Variants in XRCC4 observed in about 807,000 individuals in gnomAD.
XRCC4 encodes X-ray repair cross complementing 4.
In XRCC4, 28 loss-of-function variants were observed where a neutral mutation model predicts 39.1. That is an observed-to-expected ratio of 0.72 (90% CI 0.53 to 0.98). The LOEUF (loss-of-function observed/expected upper bound fraction) is 0.98. Ranked by LOEUF, XRCC4 falls within the 50% of genes least tolerant of loss-of-function variation. The pLI is 0.00. For missense variants in XRCC4, 350 were observed against 376.4 expected (o/e 0.93, Z 0.58); for synonymous variants, 123 against 126.4 (o/e 0.97, Z 0.18).
rs142213494 is a variant in XRCC4 at position 83,126,763 on chromosome 5, C to G, written c.315+15560C>G. The stretch of plus-strand genomic sequence containing the variant: ...AAATGTGTGAGAGCTGTAATGTGGG[C>G]TGTGCCAGCAAAGCCATGGGGGCAG... On this transcript the variant is annotated intron_variant, in intron 3 of 7. Coordinates refer to ENST00000396027, the MANE Select transcript of XRCC4 (RefSeq NM_003401.5). 6.9e-3 allele frequency among the ~76,000 whole-genome samples: 1,054 copies of G among 152,294 alleles called. 40 individuals are homozygous for G. The highest frequency in any genetic ancestry group is 0.047 in the Admixed American group (725 of 15,294).
chr5:83,126,797 A>C (rs1747288479), intron 3 of XRCC4, among the ~76,000 whole-genome samples: 1 of 152,206 alleles, frequency 6.6e-6, no homozygotes, highest in South Asian at 2.1e-4. Context: ...AGGAATGTCC[A>C]AATCTTAGAG....
intron 7 of XRCC4, among the ~76,000 whole-genome samples, chr5:83,288,863 A>G (rs1308807972): frequency 2.0e-5 from 3 of 151,748 alleles, no homozygotes; most frequent in Non-Finnish European, 4.4e-5. Flanking sequence ...ATTACTTCAA[A>G]TATTTTTTCT....
the XRCC4 span, among the ~76,000 whole-genome samples, chr5:83,369,665 G>A: frequency 6.6e-6 from 1 of 152,202 alleles, no homozygotes; most frequent in Non-Finnish European, 1.5e-5. Context: ...GGGCACCTGG[G>A]TTGATGCCAT....
At chr5:83,139,032 A>G (rs1166914155) in intron 3 of XRCC4, among the ~76,000 whole-genome samples, 1 of 152,164 alleles carries the variant, frequency 6.6e-6, no homozygotes, top group Non-Finnish European at 1.5e-5. Context: ...AATTATTAAA[A>G]CTAAGAAATT....
intron 3 of XRCC4, among the ~76,000 whole-genome samples, chr5:83,176,995 G>A (rs1227881864): frequency 6.6e-6 from 1 of 151,982 alleles, no homozygotes; most frequent in African/African-American, 2.4e-5. Flanking sequence ...TAAAATATTT[G>A]TTTCTTAATA....
At chr5:83,179,368 A>G (rs1358977227) in intron 3 of XRCC4, among the ~76,000 whole-genome samples, 2 of 152,198 alleles carry the variant, frequency 1.3e-5, no homozygotes, top group South Asian at 2.1e-4. Flanking sequence ...AGGCAAAGAC[A>G]TGAAGGTGAT....
intron 3 of XRCC4, among the ~76,000 whole-genome samples, chr5:83,126,143 T>C (rs1747253264): frequency 6.6e-6 from 1 of 151,780 alleles, no homozygotes; most frequent in African/African-American, 2.4e-5. Flanking sequence ...GTCATAGAGT[T>C]TATCAACATG....
intron 7 of XRCC4, among the ~76,000 whole-genome samples, chr5:83,340,560 C>T (rs1427660797): frequency 2.6e-5 from 4 of 151,890 alleles, no homozygotes; most frequent in Non-Finnish European, 5.9e-5. Context: ...AGAAGGAGTC[C>T]GCCTGCCATT....
At chr5:83,260,910 G>A (rs577971972) in intron 7 of XRCC4, among the ~76,000 whole-genome samples, 17 of 152,150 alleles carry the variant, frequency 1.1e-4, no homozygotes, top group Middle Eastern at 6.8e-3. Context: ...GAAAACACCT[G>A]TTAGATGTCA....
intron 7 of XRCC4, among the ~76,000 whole-genome samples, chr5:83,283,422 TTAC>T (rs1754620333): frequency 6.6e-6 from 1 of 152,264 alleles, no homozygotes; most frequent in Non-Finnish European, 1.5e-5. Context: ...CATCATTGTG[TTAC>T]TACTTTTTCC....
downstream of XRCC4, chr5:83,356,593 CAT>C (rs565862413): frequency 3.2e-4 from 101 of 314,736 alleles, no homozygotes; most frequent in Non-Finnish European, 5.3e-4. Flanking sequence ...ATTTATATCT[CAT>C]GTGGAGAAAT....
chr5:83,228,363 G>T (rs920206595), intron 6 of XRCC4, among the ~76,000 whole-genome samples: 1 of 151,872 alleles, frequency 6.6e-6, no homozygotes, highest in Non-Finnish European at 1.5e-5. Context: ...ATTACTTGCA[G>T]GAAAAACCAT....
At position 83,148,265 on chromosome 5, in the gene XRCC4, T is replaced by A. The variant is rs17284281; in HGVS notation, c.315+37062T>A. Among the ~76,000 whole-genome samples the A allele has an allele frequency of 5.3e-3, 814 of 152,328 alleles. 4 individuals are homozygous for A. The highest frequency in any genetic ancestry group is 0.013 in the Admixed American group (197 of 15,304). On this transcript the variant is annotated intron_variant, in intron 3 of 7. Transcript: ENST00000396027. The stretch of plus-strand genomic sequence containing the variant: ...GATACACAGTAGGTGCTTGATAAAA[T>A]ATAGCTGCAGTTTTGGTGGTTATTG...
chr5:83,259,812 T>A (rs1319753053), intron 7 of XRCC4, among the ~76,000 whole-genome samples: 2 of 143,270 alleles, frequency 1.4e-5, no homozygotes, highest in Non-Finnish European at 2.9e-5. Flanking sequence ...TCAAAACTCT[T>A]GAGACCCTCA....
At chr5:83,218,324 A>T (rs1461354304) in intron 6 of XRCC4, among the ~76,000 whole-genome samples, 1 of 150,454 alleles carries the variant, frequency 6.6e-6, no homozygotes, top group Non-Finnish European at 1.5e-5. Flanking sequence ...AAACTTTATG[A>T]ACTTTTTTCA....
intron 6 of XRCC4, among the ~76,000 whole-genome samples, chr5:83,207,910 A>T (rs1751482799): frequency 6.6e-6 from 1 of 152,012 alleles, no homozygotes; most frequent in South Asian, 2.1e-4. Flanking sequence ...ATACAAATAA[A>T]TTTGTGAATT....
At chr5:83,247,742 T>C (rs1363246219) in intron 6 of XRCC4, among the ~76,000 whole-genome samples, 1 of 152,206 alleles carries the variant, frequency 6.6e-6, no homozygotes, top group East Asian at 1.9e-4. Flanking sequence ...TAAATATTTA[T>C]GCATGTAGAC....
rs201101211 is a variant in XRCC4, at chr5:83,165,194, A to G, written c.316-30576A>G. ...CATAATGAAATAATTCCCCCTTTAA[A>G]AAAAAATCTAAACACACATAACCTA... is the stretch of plus-strand genomic sequence containing the variant. On this transcript the variant is annotated intron_variant, in intron 3 of 7. Coordinates refer to ENST00000396027, the MANE Select transcript of XRCC4 (RefSeq NM_003401.5). 2.6e-5 allele frequency among the ~76,000 whole-genome samples: 4 copies of G among 152,220 alleles called. No homozygotes were observed. In the East Asian group the frequency reaches 7.7e-4, roughly 29 times the overall value.
chr5:83,373,211 T>C, the XRCC4 span, among the ~76,000 whole-genome samples: 1 of 152,042 alleles, frequency 6.6e-6, no homozygotes. Context: ...CTGCCCTTCT[T>C]TGCTTTATTC....
Sources: allele counts gnomAD v4.1 joint callset (sites outside exome capture counted in the v4.1 genomes callset), GRCh38; gene constraint gnomAD v4.1.1; transcripts MANE v1.5; gene names NCBI Gene and HGNC (gene_info 2026-07-23, HGNC 2026-07-21).